NAV3: variants seen among roughly 807,000 people sequenced by gnomAD.
NAV3 encodes the protein pore membrane and/or filament interacting like protein 1.
NAV3 carries 87 observed loss-of-function variants against 244.7 expected under a neutral mutation model. The ratio of observed to expected loss-of-function variants is 0.36; its 90% CI spans 0.30 to 0.42. The LOEUF is 0.42. NAV3 is among the 20% of genes least tolerant of loss of function. The pLI is 1.00. For synonymous variants in NAV3, 1,126 were observed against 1,042.2 expected (o/e 1.08, Z -1.55); for missense variants, 2,663 against 2,893.3 (o/e 0.92, Z 1.83).
chr12:77,864,324 T>C (rs1879694862), intron 1 of NAV3, among the ~76,000 whole-genome samples: 1 of 151,960 alleles, frequency 6.6e-6, no homozygotes, highest in Non-Finnish European at 1.5e-5. Context: ...GTAAAATTTG[T>C]TAAAACATAC....
chr12:78,064,421 GT>G (rs1566082114), intron 12 of NAV3, among the ~76,000 whole-genome samples: 16 of 145,290 alleles, frequency 1.1e-4, no homozygotes, highest in South Asian at 2.3e-4. Context: ...CTGTCTGTCT[GT>G]CTGTCTGCCT....
chr12:78,086,301 A>G lies in NAV3; in HGVS notation c.2636+27186A>G, dbSNP rs1453427425. On this transcript the variant is annotated intron_variant, in intron 12 of 39. Coordinates refer to ENST00000397909, the MANE Select transcript of NAV3 (RefSeq NM_001024383.2). Reference sequence around the variant, plus strand: ...TCTCTTCTTCAAGTATATGTTTTCTATTTACTAGTTTTGAAAATTTTATTG... The same window carrying G: ...TCTCTTCTTCAAGTATATGTTTTCTGTTTACTAGTTTTGAAAATTTTATTG... Among the ~76,000 whole-genome samples the G allele has an allele frequency of 5.3e-5, 8 of 152,040 alleles. 1 individual carries two copies. The highest frequency in any genetic ancestry group is 1.0e-4 in the Non-Finnish European group (7 of 67,950).
chr12:77,904,866 A>G (rs1422991467), intron 1 of NAV3, among the ~76,000 whole-genome samples: 2 of 151,944 alleles, frequency 1.3e-5, no homozygotes, highest in Non-Finnish European at 2.9e-5. Context: ...TTTTTCTTCT[A>G]TACTTTATCT....
intron 8 of NAV3, among the ~76,000 whole-genome samples, chr12:78,017,350 T>G (rs2136741632): frequency 6.6e-6 from 1 of 152,272 alleles, no homozygotes; most frequent in Non-Finnish European, 1.5e-5. Flanking sequence ...AGAGCATCTC[T>G]TGAACCAGGA....
chr12:78,127,318 C>T (rs968223137), intron 17 of NAV3, 110 bp downstream of exon 17: 31 of 1,076,518 alleles, frequency 2.9e-5, no homozygotes, highest in African/African-American at 1.6e-4. Context: ...ACATTGAGGA[C>T]GAAATCACTT....
At chr12:77,881,055 A>G (rs1592880581) in intron 1 of NAV3, among the ~76,000 whole-genome samples, 1 of 152,168 alleles carries the variant, frequency 6.6e-6, no homozygotes, top group South Asian at 2.1e-4. Flanking sequence ...TACAGCCTCA[A>G]ACTCCTCAGT....
chr12:77,803,595 C>T (rs1871825390), intron 2 of NAV3, among the ~76,000 whole-genome samples: 2 of 152,120 alleles, frequency 1.3e-5, no homozygotes, highest in African/African-American at 4.8e-5. Context: ...CATATGTGTG[C>T]CTGTGTCTTT....
chr12:78,119,454 A>G lies in NAV3; in HGVS notation c.3258A>G (p.Ile1086Met), dbSNP rs2138611662. 2 of 1,614,216 alleles carry G rather than the reference A, an allele frequency of 1.2e-6. No homozygotes were observed. The highest frequency in any genetic ancestry group is 1.7e-6 in the Non-Finnish European group (2 of 1,180,036). Residue 1086 changes from isoleucine (I) to methionine (M), a missense_variant, in exon 15 of 40, where the codon ATA (isoleucine) becomes ATG (methionine). Physicochemically the swap from Ile to Met is conservative, Grantham distance 10. This residue lies in a region of NAV3 where 1,521 missense variants were observed against 1,497.0 expected (regional missense o/e 1.02). Coordinates refer to ENST00000397909, the MANE Select transcript of NAV3 (RefSeq NM_001024383.2). The stretch of plus-strand genomic sequence containing the variant: ...TGATCACCAGCAGTGGAGCAACCAT[A>G]ACAAGTGGCTCTGCAACACTGGGTA... The part of the protein sequence containing the change: ...SAMITSSGAT[I>M]TSGSATLGKI...
intron 12 of NAV3, among the ~76,000 whole-genome samples, chr12:78,099,962 C>G (rs1046718197): frequency 2.6e-5 from 4 of 151,762 alleles, no homozygotes; most frequent in Non-Finnish European, 5.9e-5. Context: ...TTTTGTTTAC[C>G]TAGCCCTTTC....
At chr12:78,031,817 A>G (rs918849370) in intron 9 of NAV3, among the ~76,000 whole-genome samples, 7 of 151,536 alleles carry the variant, frequency 4.6e-5, no homozygotes, top group African/African-American at 1.7e-4. Flanking sequence ...GCGCACCAGC[A>G]TGGCACATGT....
intron 9 of NAV3, among the ~76,000 whole-genome samples, chr12:78,035,361 G>A (rs1011615520): frequency 6.6e-6 from 1 of 152,142 alleles, no homozygotes; most frequent in African/African-American, 2.4e-5. Flanking sequence ...AATACTGAAA[G>A]GTCGATAGTC....
intron 2 of NAV3, among the ~76,000 whole-genome samples, chr12:77,675,364 G>C (rs1874159769): frequency 1.3e-5 from 2 of 152,166 alleles, no homozygotes; most frequent in Admixed American, 1.3e-4. Flanking sequence ...GAACTCTCCA[G>C]CAGGAGCTGA....
At chr12:78,205,283 A>G (rs1159459044) in intron 39 of NAV3, 145 bp downstream of exon 39, 3 of 845,472 alleles carry the variant, frequency 3.5e-6, no homozygotes, top group Middle Eastern at 3.6e-4. Flanking sequence ...CCTGCTTTCC[A>G]TGGATGAAAA....
intron 2 of NAV3, among the ~76,000 whole-genome samples, chr12:77,641,807 G>T (rs1872424663): frequency 1.3e-5 from 2 of 152,236 alleles, no homozygotes; most frequent in South Asian, 2.1e-4. Context: ...TTGAGCTGCA[G>T]TTGAGGCAAG....
chr12:78,174,398 C>A (rs565249885), intron 24 of NAV3, among the ~76,000 whole-genome samples: 7 of 151,820 alleles, frequency 4.6e-5, no homozygotes, highest in Non-Finnish European at 1.0e-4. Context: ...CCATATGCTG[C>A]GTACATGGCT....
In NAV3 at chr12:77,823,949, T is replaced by A. The variant is rs995659525; in HGVS notation, c.73-116370T>A. 3.3e-5 allele frequency among the ~76,000 whole-genome samples: 5 copies of A among 152,032 alleles called. No individual in the cohort carries two copies. In the East Asian group the frequency reaches 9.6e-4, roughly 29 times the overall value. ...GACACCCAAATGGAACTCCTAGAGA[T>A]GAAAAAGTATAGTGTGTGAATTAAA... On this transcript the variant is annotated intron_variant, in intron 2 of 8. Coordinates refer to the NAV3 transcript ENST00000550042.
intron 2 of NAV3, among the ~76,000 whole-genome samples, chr12:77,640,562 T>C (rs999780776): frequency 5.9e-5 from 9 of 152,158 alleles, no homozygotes; most frequent in African/African-American, 2.2e-4. Flanking sequence ...GCATAATATC[T>C]GCCAGTTTAA....
chr12:78,088,604 A>G (rs998538800), intron 12 of NAV3, among the ~76,000 whole-genome samples: 1 of 152,164 alleles, frequency 6.6e-6, no homozygotes, highest in Non-Finnish European at 1.5e-5. Context: ...TGTCCTCTTA[A>G]GAGAGATCAG....
chr12:77,872,899 A>G (rs965244474), intron 1 of NAV3, among the ~76,000 whole-genome samples: 8 of 152,214 alleles, frequency 5.3e-5, no homozygotes, highest in African/African-American at 1.7e-4. Context: ...TATCCCTGAT[A>G]TGGTTTGGCT....
Sources: allele counts gnomAD v4.1 joint callset (sites outside exome capture counted in the v4.1 genomes callset), GRCh38; gene constraint gnomAD v4.1.1; regional missense constraint gnomAD v4.1.1; transcripts MANE v1.5; gene names NCBI Gene and HGNC (gene_info 2026-07-23, HGNC 2026-07-21).